Variants in SNTG1 observed in about 807,000 individuals in gnomAD.
SNTG1 encodes the protein gamma-1-syntrophin.
Under a neutral mutation model 74.7 loss-of-function variants are expected in SNTG1, and 39 were observed. The observed-to-expected ratio is 0.52, with a 90% CI of 0.40 to 0.68. The LOEUF (loss-of-function observed/expected upper bound fraction) is 0.68. SNTG1 is among the 30% of genes least tolerant of loss of function. SNTG1 has a pLI of 0.00. For missense variants in SNTG1, 685 were observed against 609.5 expected, an observed-to-expected ratio of 1.12 and a Z score of -1.30; for synonymous variants, 254 against 217.1, an observed-to-expected ratio of 1.17 and a Z score of -1.49.
At chr8:50,358,653 A>G (rs1164389114) in intron 2 of SNTG1, among the ~76,000 whole-genome samples, 1 of 152,246 alleles carries the variant, frequency 6.6e-6, no homozygotes, top group African/African-American at 2.4e-5. Context: ...TTTCATAACT[A>G]TAAATTACCA....
chr8:50,110,077 C>T (rs538294512), intron 1 of SNTG1, among the ~76,000 whole-genome samples: 1 of 152,268 alleles, frequency 6.6e-6, no homozygotes, highest in South Asian at 2.1e-4. Context: ...GTTTTTCACT[C>T]CAGGAAGGTT....
At chr8:49,949,403 T>C (rs1394564442) in intron 1 of SNTG1, among the ~76,000 whole-genome samples, 1 of 152,232 alleles carries the variant, frequency 6.6e-6, no homozygotes, top group East Asian at 1.9e-4. Flanking sequence ...TCAGTCCTTA[T>C]GTTTTATCTA....
chr8:50,113,509 T>C (rs982926095), intron 1 of SNTG1, among the ~76,000 whole-genome samples: 10 of 152,200 alleles, frequency 6.6e-5, no homozygotes, highest in Non-Finnish European at 1.5e-4. Flanking sequence ...TTTCTAGATA[T>C]ACAATCATGT....
intron 13 of SNTG1, among the ~76,000 whole-genome samples, chr8:50,597,808 A>G (rs1434808646): frequency 6.6e-6 from 1 of 151,916 alleles, no homozygotes; most frequent in African/African-American, 2.4e-5. Context: ...TTCACTAATG[A>G]TTAGTGATTT....
chr8:50,224,348 T>C (rs530574244), intron 2 of SNTG1, among the ~76,000 whole-genome samples: 1 of 152,214 alleles, frequency 6.6e-6, no homozygotes, highest in East Asian at 1.9e-4. Context: ...CCTCCATGGG[T>C]CCCAGGCTTT....
At chr8:50,701,579 T>TTTTTTCTTCTTCTTCTTCTTCTTCTTC (rs1563761184) in intron 15 of SNTG1, among the ~76,000 whole-genome samples, 3 of 83,756 alleles carry the variant, frequency 3.6e-5, no homozygotes, top group African/African-American at 2.1e-4. Context: ...ATAATACCTT[T>TTTTTTCTTCTTCTTCTTCTTCTTCTTC]TTCTTCCTCT....
chr8:50,294,843 A>G (rs955878958), intron 2 of SNTG1, among the ~76,000 whole-genome samples: 1 of 152,200 alleles, frequency 6.6e-6, no homozygotes, highest in Non-Finnish European at 1.5e-5. Context: ...AGCAGGAAAA[A>G]TTAGTAAGGA....
chr8:50,769,348 A>G (rs1284969444), intron 18 of SNTG1, among the ~76,000 whole-genome samples: 1 of 152,156 alleles, frequency 6.6e-6, no homozygotes, highest in Admixed American at 6.6e-5. Context: ...TTGTAAATAA[A>G]TTTTTAGTAA....
intron 13 of SNTG1, among the ~76,000 whole-genome samples, chr8:50,639,824 G>A (rs1387677763): frequency 1.3e-5 from 2 of 151,904 alleles, no homozygotes; most frequent in African/African-American, 2.4e-5. Flanking sequence ...TTATTCTAAT[G>A]GGTTTATTTT....
At chr8:50,784,568 G>A (rs2095669358) in intron 18 of SNTG1, among the ~76,000 whole-genome samples, 1 of 152,106 alleles carries the variant, frequency 6.6e-6, no homozygotes, top group South Asian at 2.1e-4. Flanking sequence ...AAGAGAAAAT[G>A]GAAGGTACCA....
intron 1 of SNTG1, 24 bp from the exon 2 acceptor site, chr8:50,172,537 A>AC (rs1554595900): frequency 6.6e-6 from 1 of 151,332 alleles, no homozygotes; most frequent in Non-Finnish European, 1.5e-5. Context: ...CATAGGACTT[A>AC]TTTTTTTTTA....
At position 50,153,333 on chromosome 8, in the gene SNTG1, C is replaced by A. The variant is rs1297545800; in HGVS notation, c.-102-19228C>A. Among the ~76,000 whole-genome samples the A allele has an allele frequency of 2.0e-5, 3 of 152,140 alleles. No homozygotes were observed. In the East Asian group the frequency reaches 5.8e-4, roughly 29 times the overall value. Reference sequence around the variant, plus strand: ...ATTCTTTTTTCAAGGTTTTTAGCTTCTTTGCATTGGGTTCAAACTTCCTCC... The same window carrying A: ...ATTCTTTTTTCAAGGTTTTTAGCTTATTTGCATTGGGTTCAAACTTCCTCC... On this transcript the variant is annotated intron_variant, in intron 1 of 18. Coordinates refer to ENST00000642720, the MANE Select transcript of SNTG1 (RefSeq NM_018967.5).
chr8:50,162,623 T>C (rs1266322243), intron 1 of SNTG1, among the ~76,000 whole-genome samples: 2 of 150,496 alleles, frequency 1.3e-5, no homozygotes, highest in Admixed American at 6.6e-5. Context: ...AACTTCATCC[T>C]CCATCATGCT....
intron 1 of SNTG1, among the ~76,000 whole-genome samples, chr8:49,998,587 G>GACACACACACACACACAC (rs56162374): frequency 2.9e-5 from 4 of 136,838 alleles, no homozygotes; most frequent in African/African-American, 7.9e-5. Flanking sequence ...TAAAAATTAA[G>GACACACACACACACACAC]ACACACACAC....
At chr8:50,183,314 G>A (rs1194208214) in intron 2 of SNTG1, among the ~76,000 whole-genome samples, 10 of 152,128 alleles carry the variant, frequency 6.6e-5, no homozygotes, top group African/African-American at 2.4e-4. Flanking sequence ...GGCTTTCAGT[G>A]CTATGCTGCT....
intron 1 of SNTG1, among the ~76,000 whole-genome samples, chr8:50,065,374 G>C (rs1820819269): frequency 6.6e-6 from 1 of 151,842 alleles, no homozygotes; most frequent in African/African-American, 2.4e-5. Flanking sequence ...AATATCCTGA[G>C]GCAAGCAAAT....
chr8:49,936,803 A>G (rs1026317378), intron 1 of SNTG1, among the ~76,000 whole-genome samples: 8 of 152,190 alleles, frequency 5.3e-5, no homozygotes, highest in African/African-American at 1.4e-4. Context: ...AAAAACAGCA[A>G]TTATGTATTG....
intron 1 of SNTG1, among the ~76,000 whole-genome samples, chr8:50,143,599 T>G (rs893190714): frequency 6.6e-6 from 1 of 152,222 alleles, no homozygotes; most frequent in Non-Finnish European, 1.5e-5. Flanking sequence ...TAAACATACA[T>G]ATGCATAACA....
chr8:50,344,424 C>T (rs117599906), intron 2 of SNTG1, among the ~76,000 whole-genome samples: 4,487 of 152,262 alleles, frequency 0.029, 94 homozygotes, highest in Middle Eastern at 0.075. Flanking sequence ...GGCAGCCTCA[C>T]ATCTGCCTCA....
Sources: gnomAD v4.1 joint callset for allele counts (sites outside exome capture counted in the v4.1 genomes callset) on GRCh38, gnomAD v4.1.1 for gene constraint, MANE v1.5 for transcripts, NCBI Gene and HGNC (gene_info 2026-07-23, HGNC 2026-07-21) for gene names.